Variants in PLXDC2 observed in about 807,000 individuals in gnomAD.
PLXDC2 encodes the protein plexin domain-containing protein 2.
A neutral mutation model predicts 68.9 loss-of-function variants in PLXDC2; 40 were observed. The ratio of observed to expected loss-of-function variants is 0.58; its 90% CI spans 0.45 to 0.76. The LOEUF (loss-of-function observed/expected upper bound fraction) is 0.76. PLXDC2 is among the 30% of genes least tolerant of loss of function. The pLI is 0.00. For synonymous variants in PLXDC2, 243 were observed against 234.2 expected, an observed-to-expected ratio of 1.04 and a Z score of -0.34; for missense variants, 644 against 661.9, an observed-to-expected ratio of 0.97 and a Z score of 0.30.
intron 4 of PLXDC2, among the ~76,000 whole-genome samples, chr10:20,069,392 G>A (rs992985245): frequency 6.6e-6 from 1 of 152,186 alleles, no homozygotes; most frequent in Admixed American, 6.5e-5. Context: ...CCCAGGTGCA[G>A]TGGCTCATAC....
chr10:20,268,390 A>G (rs757631406), intron 13 of PLXDC2, among the ~76,000 whole-genome samples: 49 of 152,150 alleles, frequency 3.2e-4, no homozygotes, highest in Admixed American at 5.9e-4. Flanking sequence ...TTTTAATTTT[A>G]TTTCAACATA....
intron 4 of PLXDC2, among the ~76,000 whole-genome samples, chr10:20,105,071 A>AG (rs1833473917): frequency 7.0e-6 from 1 of 142,534 alleles, no homozygotes; most frequent in African/African-American, 2.5e-5. Flanking sequence ...AAAAAAAAAA[A>AG]GAGCTTCCAG....
chr10:19,927,738 A>T (rs61843667), intron 1 of PLXDC2, among the ~76,000 whole-genome samples: 1 of 132,362 alleles, frequency 7.6e-6, no homozygotes, highest in Non-Finnish European at 1.7e-5. Flanking sequence ...AAAAAAAAAA[A>T]GCAAGGAATC....
intron 4 of PLXDC2, among the ~76,000 whole-genome samples, chr10:20,085,331 G>A (rs1488326086): frequency 6.6e-6 from 1 of 152,168 alleles, no homozygotes; most frequent in Admixed American, 6.5e-5. Context: ...CGCTGCCTCA[G>A]AGAATTGCCT....
chr10:19,917,858 A>G (rs1326767514), intron 1 of PLXDC2, among the ~76,000 whole-genome samples: 2 of 152,164 alleles, frequency 1.3e-5, no homozygotes, highest in Non-Finnish European at 2.9e-5. Context: ...GGACTGGACA[A>G]CAAAGAAAAC....
At chr10:20,167,025 A>C (rs772578471) in intron 7 of PLXDC2, among the ~76,000 whole-genome samples, 2 of 152,206 alleles carry the variant, frequency 1.3e-5, no homozygotes, top group African/African-American at 4.8e-5. Flanking sequence ...TGTCCCTCAC[A>C]CAATTTGCAT....
At chr10:20,098,089 C>T (rs111518306) in intron 4 of PLXDC2, among the ~76,000 whole-genome samples, 8,314 of 151,674 alleles carry the variant, frequency 0.055, 252 homozygotes, top group Middle Eastern at 0.12. Context: ...GGGGGCGGTA[C>T]GGCTGCTGTA....
At position 20,164,527 on chromosome 10, in the gene PLXDC2, C is replaced by G; in HGVS notation, c.843C>G (p.Ser281=). 1.2e-6 allele frequency: 2 copies of G among 1,613,584 alleles called. No homozygotes were observed. The highest frequency in any genetic ancestry group is 8.5e-7 in the Non-Finnish European group (1 of 1,179,742). Residue 281 remains serine, a synonymous_variant, in exon 7 of 14, where the codon TCC becomes TCG. Coordinates refer to ENST00000377252, the MANE Select transcript of PLXDC2 (RefSeq NM_032812.9). ...ATCATCCAGTGAAAGTCGGACTGTC[C>G]GATGCATTTGTCGTTGTCCACAGGA... ...STNHPVKVGL[S]DAFVVVHRIQ...
At chr10:20,162,584 T>G (rs1478137186) in intron 6 of PLXDC2, among the ~76,000 whole-genome samples, 4 of 152,186 alleles carry the variant, frequency 2.6e-5, no homozygotes, top group Admixed American at 6.5e-5. Context: ...AAAATATAAG[T>G]GAATTGGAAT....
At chr10:19,879,566 A>T (rs1837692698) in intron 1 of PLXDC2, among the ~76,000 whole-genome samples, 1 of 152,200 alleles carries the variant, frequency 6.6e-6, no homozygotes. Context: ...TATTAGACAT[A>T]GGTACATAAA....
intron 7 of PLXDC2, among the ~76,000 whole-genome samples, chr10:20,166,867 C>T (rs1293357911): frequency 6.6e-6 from 1 of 151,976 alleles, no homozygotes; most frequent in African/African-American, 2.4e-5. Flanking sequence ...ATAACTGTTA[C>T]GTGTTGGGGG....
chr10:20,013,929 GGCTT>G (rs1251572307), intron 2 of PLXDC2, among the ~76,000 whole-genome samples: 2 of 152,044 alleles, frequency 1.3e-5, no homozygotes, highest in Non-Finnish European at 2.9e-5. Flanking sequence ...AGTTAAATAA[GGCTT>G]TGTAAGGAAA....
At chr10:20,172,005 A>C (rs1834453458) in intron 7 of PLXDC2, among the ~76,000 whole-genome samples, 1 of 151,876 alleles carries the variant, frequency 6.6e-6, no homozygotes, top group Non-Finnish European at 1.5e-5. Flanking sequence ...AATGTACACT[A>C]TTTGGGTGAC....
intron 2 of PLXDC2, among the ~76,000 whole-genome samples, chr10:20,037,755 A>C (rs569361529): frequency 2.0e-5 from 3 of 152,296 alleles, no homozygotes; most frequent in South Asian, 2.1e-4. Context: ...TTTCATGGCC[A>C]TATAGCTCAC....
intron 4 of PLXDC2, among the ~76,000 whole-genome samples, chr10:20,098,179 G>A (rs576027655): frequency 6.6e-6 from 1 of 152,128 alleles, no homozygotes; most frequent in South Asian, 2.1e-4. Flanking sequence ...CAAAACCAGT[G>A]TCCTTTAGCT....
rs1230380621 is a variant in PLXDC2 at position 20,217,472 on chromosome 10, C to T, written c.1169C>T (p.Ser390Phe). Reference protein sequence around the residue: ...CENTEPVETSSRTTTTVGATT... With the variant: ...CENTEPVETSFRTTTTVGATT... ...AATACAGAACCAGTGGAAACTTCTT[C>T]TCGAACCACCACAACCGTAGGAGCG... The change falls in exon 11 of 14, where the codon TCT becomes TTT. Residue 390 changes from serine to phenylalanine, a missense_variant. Transcript: ENST00000377252. 1.2e-6 allele frequency: 2 copies of T among 1,612,684 alleles called. No individual in the cohort carries two copies. Among genetic ancestry groups the T allele is most frequent in the East Asian group, 2.2e-5 (1 of 44,794 alleles).
intron 4 of PLXDC2, among the ~76,000 whole-genome samples, chr10:20,081,355 T>TA (rs1836554092): frequency 4.0e-5 from 6 of 151,832 alleles, no homozygotes; most frequent in Admixed American, 3.9e-4. Flanking sequence ...AGCCTAAAGA[T>TA]ACAGACCTAC....
chr10:19,821,005 A>G (rs1220370354), intron 1 of PLXDC2, among the ~76,000 whole-genome samples: 1 of 152,006 alleles, frequency 6.6e-6, no homozygotes, highest in Non-Finnish European at 1.5e-5. Flanking sequence ...ACTTGAACCC[A>G]GGAGGCGGAG....
At chr10:19,826,943 G>A (rs1229055825) in intron 1 of PLXDC2, among the ~76,000 whole-genome samples, 3 of 152,164 alleles carry the variant, frequency 2.0e-5, no homozygotes, top group Admixed American at 6.5e-5. Context: ...TTGCTGTTTT[G>A]TTTTTAGCAA....
Sources: gnomAD v4.1 joint callset for allele counts (sites outside exome capture counted in the v4.1 genomes callset) on GRCh38, gnomAD v4.1.1 for gene constraint, MANE v1.5 for transcripts, NCBI Gene and HGNC (gene_info 2026-07-23, HGNC 2026-07-21) for gene names.